The following ATP8A2 variants were observed in gnomAD, a reference collection of about 807,000 sequenced individuals.
The protein encoded by ATP8A2 is ATPase phospholipid transporting 8A2.
A neutral mutation model predicts 165.6 loss-of-function variants in ATP8A2; 100 were observed. The observed-to-expected ratio is 0.60, with a 90% CI of 0.51 to 0.71. The LOEUF (loss-of-function observed/expected upper bound fraction) is 0.71. Among genes scored for constraint, ATP8A2 ranks in the 30% least tolerant of loss-of-function variants. The pLI, the probability that ATP8A2 is intolerant of heterozygous loss-of-function variation, is 0.00. For missense variants in ATP8A2, 1,227 were observed against 1,479.5 expected, an observed-to-expected ratio of 0.83 and a Z score of 2.80; for synonymous variants, 543 against 548.8, an observed-to-expected ratio of 0.99 and a Z score of 0.15.
chr13:25,806,146 T>G (rs1284604500), intron 27 of ATP8A2, among the ~76,000 whole-genome samples: 3 of 152,088 alleles, frequency 2.0e-5, no homozygotes, highest in Non-Finnish European at 4.4e-5. Flanking sequence ...AGAGAAAAGA[T>G]TTGTTCACAG....
At chr13:25,943,291 C>A (rs528774442) in intron 33 of ATP8A2, among the ~76,000 whole-genome samples, 2 of 152,312 alleles carry the variant, frequency 1.3e-5, no homozygotes, top group South Asian at 4.2e-4. Context: ...CAAATTACTT[C>A]CCTTTTATAA....
At chr13:25,775,953 C>CTCAA (rs1024194051) in intron 27 of ATP8A2, among the ~76,000 whole-genome samples, 51 of 152,190 alleles carry the variant, frequency 3.4e-4, no homozygotes, top group Non-Finnish European at 2.8e-4. Context: ...ATCTTTCCTA[C>CTCAA]TCAATCATTC....
At position 25,774,775 on chromosome 13, in the gene ATP8A2, A is replaced by G. The variant is rs1161316534; in HGVS notation, c.2569-74A>G. Reference sequence around the variant, plus strand: ...TACCTACATTATCTGACTTCTGTTCATAAGGACATTCTGTTTGTGACTTTT... The same window carrying G: ...TACCTACATTATCTGACTTCTGTTCGTAAGGACATTCTGTTTGTGACTTTT... On this transcript the variant is annotated intron_variant, in intron 26 of 36. Coordinates refer to ENST00000381655, the MANE Select transcript of ATP8A2 (RefSeq NM_016529.6). The G allele has an allele frequency of 5.8e-6, 5 of 855,756 alleles. No homozygotes were observed. The South Asian group carries it at 5.9e-5, about 10-fold the overall frequency. The allele number at this position is 855,756 out of a possible 1,614,324, so 53.0% of individuals were successfully genotyped here. A position where few individuals can be genotyped will look rare whatever the true frequency, so the allele number is the denominator to read the frequency against.
intron 25 of ATP8A2, among the ~76,000 whole-genome samples, chr13:25,724,776 T>G (rs2043457201): frequency 6.6e-6 from 1 of 152,178 alleles, no homozygotes; most frequent in Non-Finnish European, 1.5e-5. Context: ...GTATCTGTTT[T>G]TATGATGTCC....
intron 32 of ATP8A2, among the ~76,000 whole-genome samples, chr13:25,861,878 A>C (rs1320005573): frequency 6.6e-6 from 1 of 152,240 alleles, no homozygotes; most frequent in Non-Finnish European, 1.5e-5. Flanking sequence ...CTCTTGGCTA[A>C]AGGAATGGAA....
At chr13:25,845,708 A>G (rs1237523790) in intron 30 of ATP8A2, among the ~76,000 whole-genome samples, 2 of 152,232 alleles carry the variant, frequency 1.3e-5, no homozygotes, top group African/African-American at 4.8e-5. Flanking sequence ...TTCTTGGGTC[A>G]TATTAGTTTA....
intron 33 of ATP8A2, among the ~76,000 whole-genome samples, chr13:25,882,998 A>G (rs1953031352): frequency 1.3e-5 from 2 of 152,034 alleles, no homozygotes; most frequent in Non-Finnish European, 2.9e-5. Context: ...CAAGCTGGGC[A>G]CTTTATTCAA....
intron 1 of ATP8A2, among the ~76,000 whole-genome samples, chr13:25,405,197 CAGA>C (rs1244948967): frequency 6.6e-6 from 1 of 152,050 alleles, no homozygotes; most frequent in Non-Finnish European, 1.5e-5. Flanking sequence ...GATTACAGTG[CAGA>C]AGGAGAAGAG....
intron 1 of ATP8A2, among the ~76,000 whole-genome samples, chr13:25,404,991 C>T (rs1337335375): frequency 2.0e-5 from 3 of 152,032 alleles, no homozygotes; most frequent in African/African-American, 7.3e-5. Flanking sequence ...GTGGCCAGAG[C>T]GCTGGGGGAA....
intron 33 of ATP8A2, among the ~76,000 whole-genome samples, chr13:25,890,280 ATAGTT>A (rs1382983745): frequency 2.0e-5 from 3 of 152,256 alleles, no homozygotes; most frequent in African/African-American, 7.2e-5. Context: ...ACAACACTTT[ATAGTT>A]GCTAACAACT....
chr13:25,468,956 G>T lies in ATP8A2; in HGVS notation c.77-21G>T, dbSNP rs573165206. 74 of 1,612,964 alleles carry T rather than the reference G, an allele frequency of 4.6e-5. 1 individual carries two copies. In the East Asian group the frequency reaches 8.0e-4, roughly 18 times the overall value. On this transcript the variant is annotated intron_variant, in intron 1 of 36. Coordinates refer to ENST00000381655, the MANE Select transcript of ATP8A2 (RefSeq NM_016529.6). ...TTGACTTCTTTGTGTCGTATTCTCT[G>T]CCTGCGCCCTGTCTCTGCAGGACCT... is the stretch of plus-strand genomic sequence containing the variant.
At chr13:25,382,759 CTT>C (rs772036972) in intron 1 of ATP8A2, among the ~76,000 whole-genome samples, 25 of 139,970 alleles carry the variant, frequency 1.8e-4, no homozygotes, top group Non-Finnish European at 2.0e-4. Context: ...ATCTTTTGTC[CTT>C]TTTTTTTTTT....
intron 27 of ATP8A2, among the ~76,000 whole-genome samples, chr13:25,813,134 A>T (rs1402425347): frequency 6.6e-6 from 1 of 152,138 alleles, no homozygotes; most frequent in Non-Finnish European, 1.5e-5. Context: ...TAATGGGTTG[A>T]CAGGTGCAGC....
intron 24 of ATP8A2, among the ~76,000 whole-genome samples, chr13:25,600,891 T>C (rs959584145): frequency 3.3e-5 from 5 of 152,154 alleles, no homozygotes; most frequent in Non-Finnish European, 5.9e-5. Flanking sequence ...AGCTCACCTG[T>C]AGGCAGGAAG....
At chr13:25,423,658 T>A (rs1327531912) in intron 1 of ATP8A2, among the ~76,000 whole-genome samples, 1 of 152,236 alleles carries the variant, frequency 6.6e-6, no homozygotes, top group Non-Finnish European at 1.5e-5. Flanking sequence ...ATGTCAAATG[T>A]GTTTTTAATT....
chr13:25,478,391 A>G (rs917615151), intron 2 of ATP8A2, among the ~76,000 whole-genome samples: 2 of 152,178 alleles, frequency 1.3e-5, no homozygotes, highest in Admixed American at 6.5e-5. Flanking sequence ...GCAAAAGCTT[A>G]CTCAGAAATG....
At chr13:25,768,087 T>TGGGGGGGGGGGGGGGGGGGGGGG (rs1566118778) in intron 25 of ATP8A2, among the ~76,000 whole-genome samples, 1 of 32,422 alleles carries the variant, frequency 3.1e-5, no homozygotes, top group African/African-American at 1.1e-4. Flanking sequence ...GGGGGGGGGG[T>TGGGGGGGGGGGGGGGGGGGGGGG]GGTGGGGGGG....
chr13:25,644,741 G>T (rs994758267), intron 24 of ATP8A2, among the ~76,000 whole-genome samples: 1 of 152,028 alleles, frequency 6.6e-6, no homozygotes, highest in Admixed American at 6.6e-5. Flanking sequence ...CTTGTTAGTG[G>T]TCTATTTAGA....
intron 24 of ATP8A2, among the ~76,000 whole-genome samples, chr13:25,602,295 G>T (rs1208109127): frequency 1.3e-5 from 2 of 152,148 alleles, no homozygotes; most frequent in Non-Finnish European, 2.9e-5. Context: ...ATGTCAGCAG[G>T]ATGAGGAAAC....
Sources: allele counts gnomAD v4.1 joint callset (sites outside exome capture counted in the v4.1 genomes callset), GRCh38; gene constraint gnomAD v4.1.1; transcripts MANE v1.5; gene names NCBI Gene and HGNC (gene_info 2026-07-23, HGNC 2026-07-21).